Variants in BTRC observed in about 807,000 individuals in gnomAD.
The protein encoded by BTRC is F-box/WD repeat-containing protein 1A.
A neutral mutation model predicts 85.5 loss-of-function variants in BTRC; 42 were observed. That is an observed-to-expected ratio of 0.49 (90% CI 0.38 to 0.64). BTRC has a LOEUF of 0.64. BTRC is among the 30% of genes least tolerant of loss of function. BTRC has a pLI of 0.00. For missense variants in BTRC, 594 were observed against 743.5 expected, an observed-to-expected ratio of 0.80 and a Z score of 2.34; for synonymous variants, 255 against 263.3, an observed-to-expected ratio of 0.97 and a Z score of 0.30.
intron 3 of BTRC, among the ~76,000 whole-genome samples, chr10:101,471,555 G>A (rs966492110): frequency 2.6e-5 from 4 of 152,000 alleles, no homozygotes; most frequent in Non-Finnish European, 5.9e-5. Flanking sequence ...TTAAGTGTTT[G>A]CCAGGTTTTG....
intron 1 of BTRC, among the ~76,000 whole-genome samples, chr10:101,386,288 C>T (rs1479679656): frequency 1.3e-5 from 2 of 152,224 alleles, no homozygotes; most frequent in African/African-American, 4.8e-5. Context: ...AGTAAGTACA[C>T]TCTGCATCTA....
intron 1 of BTRC, among the ~76,000 whole-genome samples, chr10:101,357,536 C>T (rs1358123524): frequency 1.3e-5 from 2 of 151,606 alleles, no homozygotes; most frequent in Non-Finnish European, 2.9e-5. Context: ...ATCAAACGGG[C>T]ATTTTTATTA....
chr10:101,466,639 C>T (rs1302079665), intron 3 of BTRC, among the ~76,000 whole-genome samples: 5 of 152,252 alleles, frequency 3.3e-5, no homozygotes, highest in African/African-American at 1.2e-4. Context: ...GTTAGACTGT[C>T]AAGGGAGGAT....
intron 1 of BTRC, among the ~76,000 whole-genome samples, chr10:101,411,015 T>G (rs1465873611): frequency 2.3e-5 from 3 of 131,026 alleles, no homozygotes; most frequent in East Asian, 5.3e-4. Flanking sequence ...TTTTTTTTTT[T>G]GAGACAGTGT....
At chr10:101,360,855 G>C (rs1430332598) in intron 1 of BTRC, among the ~76,000 whole-genome samples, 2 of 152,160 alleles carry the variant, frequency 1.3e-5, no homozygotes, top group Non-Finnish European at 2.9e-5. Flanking sequence ...TTTGGGCGCA[G>C]CTCTGCCATC....
chr10:101,411,767 T>C (rs958584483), intron 1 of BTRC, among the ~76,000 whole-genome samples: 1 of 140,214 alleles, frequency 7.1e-6, no homozygotes, highest in African/African-American at 2.5e-5. Flanking sequence ...TTATGAATCA[T>C]ATTTTGTGCC....
intron 2 of BTRC, among the ~76,000 whole-genome samples, chr10:101,450,128 A>G (rs1359185085): frequency 6.6e-6 from 1 of 151,788 alleles, no homozygotes; most frequent in Non-Finnish European, 1.5e-5. Flanking sequence ...TGTGGAGCAT[A>G]TTAGCATAAT....
At chr10:101,382,592 T>C (rs1192962049) in intron 1 of BTRC, among the ~76,000 whole-genome samples, 1 of 152,144 alleles carries the variant, frequency 6.6e-6, no homozygotes, top group Non-Finnish European at 1.5e-5. Flanking sequence ...TTGGAGATAT[T>C]GTTTGATCAT....
At chr10:101,536,224 T>C (rs2134427980) in intron 11 of BTRC, among the ~76,000 whole-genome samples, 1 of 152,368 alleles carries the variant, frequency 6.6e-6, no homozygotes, top group South Asian at 2.1e-4. Context: ...AGGAAACTGC[T>C]TTCTTAGCTT....
At chr10:101,471,589 T>C (rs1011341499) in intron 3 of BTRC, among the ~76,000 whole-genome samples, 2 of 152,154 alleles carry the variant, frequency 1.3e-5, no homozygotes, top group African/African-American at 4.8e-5. Context: ...GCTGGTCTTA[T>C]AAAATGAATT....
At chr10:101,474,777 C>T (rs76807333) in intron 3 of BTRC, among the ~76,000 whole-genome samples, 10,122 of 152,230 alleles carry the variant, frequency 0.066, 353 homozygotes, top group Non-Finnish European at 0.074. Flanking sequence ...CACATAAACA[C>T]ACATCTCACC....
chr10:101,462,113 CAGG>C (rs5787432), intron 3 of BTRC, 55 bp downstream of exon 3: 1,350,375 of 1,351,302 alleles, frequency 1, 674,730 homozygotes, highest in Non-Finnish European at 1. Flanking sequence ...AAACAAAAGA[CAGG>C]AGGAAACCCT....
At chr10:101,396,960 G>A (rs1943380420) in intron 1 of BTRC, among the ~76,000 whole-genome samples, 1 of 151,840 alleles carries the variant, frequency 6.6e-6, no homozygotes, top group African/African-American at 2.4e-5. Context: ...CTGCCACCTC[G>A]CCTGGCTAAT....
At chr10:101,423,938 T>A (rs772305924) in intron 1 of BTRC, among the ~76,000 whole-genome samples, 11 of 152,172 alleles carry the variant, frequency 7.2e-5, no homozygotes, top group Non-Finnish European at 1.3e-4. Flanking sequence ...GCTTTTAGAA[T>A]CCTTATTTTA....
intron 1 of BTRC, among the ~76,000 whole-genome samples, chr10:101,373,934 A>C (rs76820215): frequency 0.063 from 8,971 of 143,516 alleles, 298 homozygotes; most frequent in South Asian, 0.12. Context: ...AAAACAAACA[A>C]GACAGAAAAA....
chr10:101,481,393 A>T (rs1945830602), intron 4 of BTRC, among the ~76,000 whole-genome samples: 1 of 152,058 alleles, frequency 6.6e-6, no homozygotes, highest in African/African-American at 2.4e-5. Flanking sequence ...CTTCTGGCTA[A>T]ATAAGGTAAA....
chr10:101,447,261 C>A (rs1944851640), intron 2 of BTRC, among the ~76,000 whole-genome samples: 1 of 152,096 alleles, frequency 6.6e-6, no homozygotes, highest in Non-Finnish European at 1.5e-5. Flanking sequence ...AAGTGACCCA[C>A]AAGTCAGTGC....
At chr10:101,355,525 A>G (rs137897352) in intron 1 of BTRC, among the ~76,000 whole-genome samples, 3 of 152,200 alleles carry the variant, frequency 2.0e-5, no homozygotes, top group Non-Finnish European at 4.4e-5. Flanking sequence ...CTAAAGAATG[A>G]TGGAATGCAT....
At position 101,522,367 on chromosome 10, in the gene BTRC, CAAAAAAAAACA is replaced by C. The variant is rs1415253414; in HGVS notation, c.556+507_556+517del. The stretch of plus-strand genomic sequence containing the variant: ...TATAAAGCTTTAAAAAAAAAAAAAA[CAAAAAAAAACA>C]AAAAAAAAAAAACTCTAGAAATAAA... On this transcript the variant is annotated intron_variant, in intron 5 of 14. Coordinates refer to ENST00000370187, the MANE Select transcript of BTRC (RefSeq NM_033637.4). Among the ~76,000 whole-genome samples the C allele has an allele frequency of 1.8e-3, 38 of 21,422 alleles. 1 individual carries two copies. The highest frequency in any genetic ancestry group is 9.5e-3 in the African/African-American group (36 of 3,806). The allele number at this position is 21,422 out of a possible 152,430, so 14.1% of individuals were successfully genotyped here.
Sources: gnomAD v4.1 joint callset for allele counts (sites outside exome capture counted in the v4.1 genomes callset) on GRCh38, gnomAD v4.1.1 for gene constraint, MANE v1.5 for transcripts, NCBI Gene and HGNC (gene_info 2026-07-23, HGNC 2026-07-21) for gene names.